Variants in SLC49A4 observed in about 807,000 individuals in gnomAD.
SLC49A4 encodes disrupted in renal cancer protein 2.
SLC49A4 carries 36 observed loss-of-function variants against 50.6 expected under a neutral mutation model. The observed-to-expected ratio is 0.71, with a 90% CI of 0.55 to 0.94. The LOEUF (loss-of-function observed/expected upper bound fraction) is 0.94. Ranked by LOEUF, SLC49A4 falls within the 40% of genes least tolerant of loss-of-function variation. The pLI, the probability that SLC49A4 is intolerant of heterozygous loss-of-function variation, is 0.00. For missense variants in SLC49A4, 503 were observed against 605.7 expected, an observed-to-expected ratio of 0.83 and a Z score of 1.78; for synonymous variants, 248 against 241.2, an observed-to-expected ratio of 1.03 and a Z score of -0.26.
chr3:122,860,254 T>A (rs1286599345), intron 7 of SLC49A4, 52 bp downstream of exon 7: 11 of 1,463,526 alleles, frequency 7.5e-6, no homozygotes, highest in Non-Finnish European at 1.0e-5. Context: ...TTCACAGAAG[T>A]GTACATAACT....
chr3:122,876,492 A>T (rs1379765450), intron 8 of SLC49A4, among the ~76,000 whole-genome samples: 1 of 152,200 alleles, frequency 6.6e-6, no homozygotes, highest in African/African-American at 2.4e-5. Context: ...TATATCTAAG[A>T]AGCAGAATAA....
Position 122,872,559 on chromosome 3 carries a change from T to C in SLC49A4, c.1283T>C (p.Met428Thr). ...GTCACTTTTTTAAGTAATATGTTTA[T>C]GGGAGTACTTTTATTTTTTCTCACA... ...GVVTFLSNMF[M>T]GVLLFFLTFY... The change falls in exon 8 of 9, where the codon ATG (methionine) becomes ACG (threonine). Residue 428 changes from methionine to threonine, a missense_variant. Physicochemically the swap from Met to Thr is moderately conservative, Grantham distance 81. Coordinates refer to ENST00000261038, the MANE Select transcript of SLC49A4 (RefSeq NM_032839.3). 6.3e-7 allele frequency: 1 copy of C among 1,598,476 alleles called. No individual in the cohort carries two copies. The highest frequency in any genetic ancestry group is 8.5e-7 in the Non-Finnish European group (1 of 1,169,858).
chr3:122,799,335 T>A (rs1163610467), intron 1 of SLC49A4, among the ~76,000 whole-genome samples: 1 of 152,218 alleles, frequency 6.6e-6, no homozygotes, highest in Non-Finnish European at 1.5e-5. Flanking sequence ...TAAGGTGTAT[T>A]TGAGCAGACA....
At chr3:122,809,069 G>A (rs1209033660) in intron 2 of SLC49A4, among the ~76,000 whole-genome samples, 2 of 152,170 alleles carry the variant, frequency 1.3e-5, no homozygotes. Context: ...TAACAGATGG[G>A]GAACACAGAA....
At chr3:122,870,662 A>G (rs924099760) in intron 7 of SLC49A4, among the ~76,000 whole-genome samples, 2 of 151,044 alleles carry the variant, frequency 1.3e-5, no homozygotes, top group African/African-American at 4.8e-5. Context: ...TACAAAAAAA[A>G]TTTAGCTTGG....
intron 2 of SLC49A4, among the ~76,000 whole-genome samples, chr3:122,808,499 G>T (rs942576073): frequency 2.0e-5 from 3 of 152,210 alleles, no homozygotes; most frequent in Non-Finnish European, 4.4e-5. Flanking sequence ...GGGTGGAAGA[G>T]GGACAGGGAT....
At chr3:122,805,771 A>G (rs1018854369) in intron 1 of SLC49A4, among the ~76,000 whole-genome samples, 1 of 152,148 alleles carries the variant, frequency 6.6e-6, no homozygotes, top group African/African-American at 2.4e-5. Flanking sequence ...ATTGTTGTCT[A>G]TTTCTGATTA....
intron 4 of SLC49A4, among the ~76,000 whole-genome samples, chr3:122,838,806 A>G (rs189692970): frequency 8.5e-4 from 129 of 152,250 alleles, no homozygotes; most frequent in African/African-American, 2.9e-3. Flanking sequence ...GAAAATGACC[A>G]TACTGCCCAA....
intron 6 of SLC49A4, among the ~76,000 whole-genome samples, chr3:122,856,707 G>A (rs776337119): frequency 7.9e-5 from 12 of 151,952 alleles, no homozygotes; most frequent in Non-Finnish European, 1.3e-4. Flanking sequence ...GTGGTGATGA[G>A]CGCCTGTAGT....
intron 2 of SLC49A4, among the ~76,000 whole-genome samples, chr3:122,818,853 G>T (rs1936413254): frequency 1.3e-5 from 2 of 151,632 alleles, no homozygotes; most frequent in African/African-American, 4.9e-5. Context: ...TGAGGCAGGA[G>T]AATAGTTTGA....
intron 2 of SLC49A4, among the ~76,000 whole-genome samples, chr3:122,823,271 G>T (rs1017506083): frequency 9.2e-5 from 14 of 152,224 alleles, no homozygotes; most frequent in African/African-American, 3.4e-4. Flanking sequence ...AGGGGCAGCT[G>T]TTTGGAGGGG....
intron 7 of SLC49A4, among the ~76,000 whole-genome samples, chr3:122,865,266 T>C (rs1937102958): frequency 6.6e-6 from 1 of 152,222 alleles, no homozygotes; most frequent in Admixed American, 6.5e-5. Flanking sequence ...TGTTTATCCA[T>C]GGAGATTTTC....
chr3:122,872,654 C>T (rs1478797257), intron 8 of SLC49A4, 57 bp downstream of exon 8: 8 of 1,319,848 alleles, frequency 6.1e-6, no homozygotes, highest in Non-Finnish European at 8.3e-6. Flanking sequence ...AAGTTTGGGT[C>T]ACTAGTGTAT....
chr3:122,795,523 C>A lies in SLC49A4; in HGVS notation c.331C>A (p.Leu111Met). 6.3e-7 allele frequency: 1 copy of A among 1,598,892 alleles called. No individual in the cohort carries two copies. The highest frequency in any genetic ancestry group is 1.1e-5 in the South Asian group (1 of 90,332). Reference protein sequence around the residue: ...FLPCFAFMWLLDKRGLRITVL... With the variant: ...FLPCFAFMWLMDKRGLRITVL... ...GCCCTGCTTCGCGTTCATGTGGCTC[C>A]TGGACAAGAGAGGTGAGGGGTCGCG... is the stretch of plus-strand genomic sequence containing the variant. Residue 111 changes from leucine to methionine, a missense_variant, in exon 1 of 9, where the codon CTG (leucine) becomes ATG (methionine). Coordinates refer to ENST00000261038, the MANE Select transcript of SLC49A4 (RefSeq NM_032839.3).
At chr3:122,862,720 T>C (rs188575887) in intron 7 of SLC49A4, among the ~76,000 whole-genome samples, 1 of 152,350 alleles carries the variant, frequency 6.6e-6, no homozygotes, top group African/African-American at 2.4e-5. Flanking sequence ...CAGATTTCTT[T>C]CCCTTGAATT....
chr3:122,826,037 C>G (rs1286277420), intron 2 of SLC49A4, among the ~76,000 whole-genome samples: 1 of 152,118 alleles, frequency 6.6e-6, no homozygotes, highest in Non-Finnish European at 1.5e-5. Flanking sequence ...ACTTAGTGGT[C>G]CTGTCATTAC....
Position 122,833,349 on chromosome 3 carries a change from A to G in SLC49A4, c.736A>G (p.Thr246Ala), listed in dbSNP as rs763521807. The G allele has an allele frequency of 6.2e-7, 1 of 1,613,600 alleles. No homozygotes were observed. The change falls in exon 4 of 9, where the codon ACA becomes GCA. Residue 246 changes from threonine to alanine, a missense_variant. Coordinates refer to ENST00000261038, the MANE Select transcript of SLC49A4 (RefSeq NM_032839.3). ...FGVVCLIFSA[T>A]LAYFPPRPPL... ...AGTTGTCTGCTTAATATTTTCTGCA[A>G]CACTAGCTTATTTCCCACCCCGACC...
At chr3:122,840,453 ATT>A (rs1246931828) in intron 4 of SLC49A4, among the ~76,000 whole-genome samples, 9 of 152,186 alleles carry the variant, frequency 5.9e-5, no homozygotes, top group African/African-American at 2.2e-4. Flanking sequence ...TAATAATCTT[ATT>A]TTAACAGGAA....
chr3:122,872,589 A>G lies in SLC49A4; in HGVS notation c.1313A>G (p.Tyr438Cys), dbSNP rs1937209862. ...MGVLLFFLTF[Y>C]HTELSWFNWC... ...GTACTTTTATTTTTTCTCACATTTTATCATACAGGTAAGAAATTTGATTTT... is the reference window on the plus strand; with the variant it reads ...GTACTTTTATTTTTTCTCACATTTTGTCATACAGGTAAGAAATTTGATTTT... The change falls in exon 8 of 9, where the codon TAT (tyrosine) becomes TGT (cysteine). Residue 438 changes from tyrosine (Y) to cysteine (C), a missense_variant. Transcript: ENST00000261038. 6.3e-7 allele frequency: 1 copy of G among 1,578,648 alleles called. No individual in the cohort carries two copies. The highest frequency in any genetic ancestry group is 8.6e-7 in the Non-Finnish European group (1 of 1,157,860).
Sources: allele counts gnomAD v4.1 joint callset (sites outside exome capture counted in the v4.1 genomes callset), GRCh38; gene constraint gnomAD v4.1.1; transcripts MANE v1.5; gene names NCBI Gene and HGNC (gene_info 2026-07-23, HGNC 2026-07-21).